The following LRP1B variants were observed in gnomAD, a reference collection of about 807,000 sequenced individuals.
The protein encoded by LRP1B is LDL receptor related protein 1B.
In LRP1B, 217 loss-of-function variants were observed where a neutral mutation model predicts 556.6. That is an observed-to-expected ratio of 0.39 (90% CI 0.35 to 0.44). The LOEUF (loss-of-function observed/expected upper bound fraction) is 0.44. Ranked by LOEUF, LRP1B falls within the 20% of genes least tolerant of loss-of-function variation. The pLI, the probability that LRP1B is intolerant of heterozygous loss-of-function variation, is 1.00. For synonymous variants in LRP1B, 2,047 were observed against 1,865.8 expected, an observed-to-expected ratio of 1.10 and a Z score of -2.50; for missense variants, 5,053 against 5,620.8, an observed-to-expected ratio of 0.90 and a Z score of 3.23.
intron 80 of LRP1B, among the ~76,000 whole-genome samples, chr2:140,325,043 T>G (rs1463844638): frequency 6.6e-6 from 1 of 151,894 alleles, no homozygotes. Context: ...ATATAAAAAT[T>G]TAAAGTGGAT....
intron 6 of LRP1B, among the ~76,000 whole-genome samples, chr2:141,189,551 C>T (rs1033286): frequency 1 from 151,581 of 152,108 alleles, 75,530 homozygotes; most frequent in Middle Eastern, 1. Flanking sequence ...TCAGAGCAAA[C>T]TGAATCTGTA....
rs115907810 is a variant in LRP1B at position 140,539,676 on chromosome 2, G to A, written c.7513+1297C>T. Among the ~76,000 whole-genome samples the A allele has an allele frequency of 1.1e-3, 160 of 152,166 alleles. 1 individual carries two copies. The highest frequency in any genetic ancestry group is 1.6e-3 in the Non-Finnish European group (110 of 67,998). ...TGAAAGAAACATGAGTGATTCTAAC[G>A]CATGGCTAACACTCCGGGCTTACAG... On this transcript the variant is annotated intron_variant, in intron 45 of 90. Coordinates refer to ENST00000389484, the MANE Select transcript of LRP1B (RefSeq NM_018557.3).
chr2:140,819,713 A>G (rs547261698), intron 31 of LRP1B, among the ~76,000 whole-genome samples: 1 of 152,360 alleles, frequency 6.6e-6, no homozygotes, highest in East Asian at 1.9e-4. Context: ...TCTAGAAGAA[A>G]TAAAAGTGTT....
At chr2:140,502,150 T>A (rs1689227980) in intron 54 of LRP1B, among the ~76,000 whole-genome samples, 1 of 152,030 alleles carries the variant, frequency 6.6e-6, no homozygotes, top group South Asian at 2.1e-4. Context: ...AATGAACTAT[T>A]TCTGCCTCCT....
chr2:141,363,500 A>G (rs1688911858), intron 3 of LRP1B, among the ~76,000 whole-genome samples: 1 of 152,166 alleles, frequency 6.6e-6, no homozygotes, highest in African/African-American at 2.4e-5. Flanking sequence ...TTCAGGAATT[A>G]CTAACCTAGA....
At chr2:140,661,833 A>T (rs1434311000) in intron 41 of LRP1B, among the ~76,000 whole-genome samples, 1 of 152,180 alleles carries the variant, frequency 6.6e-6, no homozygotes, top group African/African-American at 2.4e-5. Flanking sequence ...TATGATACAC[A>T]CTAAGTATAT....
intron 18 of LRP1B, among the ~76,000 whole-genome samples, chr2:140,965,990 A>G (rs367549325): frequency 6.6e-6 from 1 of 152,064 alleles, no homozygotes; most frequent in East Asian, 1.9e-4. Context: ...AGTCTTTGCT[A>G]TTGTGAATAG....
chr2:142,099,220 T>C (rs954501559), intron 1 of LRP1B, among the ~76,000 whole-genome samples: 7 of 151,984 alleles, frequency 4.6e-5, no homozygotes, highest in Non-Finnish European at 1.0e-4. Context: ...TTAAACGTGA[T>C]TCCTTGATCT....
At chr2:141,904,069 A>G (rs1055265527) in intron 1 of LRP1B, among the ~76,000 whole-genome samples, 1 of 151,992 alleles carries the variant, frequency 6.6e-6, no homozygotes, top group Non-Finnish European at 1.5e-5. Context: ...ATAGAATCAT[A>G]TGTCAAGTTT....
intron 67 of LRP1B, among the ~76,000 whole-genome samples, chr2:140,378,542 C>T (rs1683336576): frequency 6.6e-6 from 1 of 152,060 alleles, no homozygotes; most frequent in African/African-American, 2.4e-5. Flanking sequence ...GATAAATGGT[C>T]TACTGTTTAA....
intron 66 of LRP1B, among the ~76,000 whole-genome samples, chr2:140,419,999 C>A: frequency 7.3e-6 from 1 of 137,418 alleles, no homozygotes. Context: ...CAGAGTGAGA[C>A]TCTGTCATAA....
At chr2:141,626,557 T>C (rs548305892) in intron 2 of LRP1B, among the ~76,000 whole-genome samples, 1 of 152,106 alleles carries the variant, frequency 6.6e-6, no homozygotes, top group African/African-American at 2.4e-5. Flanking sequence ...GAAAGACATA[T>C]CTGCTAAAGG....
intron 2 of LRP1B, among the ~76,000 whole-genome samples, chr2:141,714,613 T>C (rs1209877570): frequency 1.3e-5 from 2 of 152,138 alleles, no homozygotes; most frequent in East Asian, 3.9e-4. Flanking sequence ...AATTTCCAAG[T>C]TGTTGCTTCA....
intron 11 of LRP1B, among the ~76,000 whole-genome samples, chr2:141,047,709 A>G (rs76546175): frequency 0.042 from 6,305 of 151,352 alleles, 212 homozygotes; most frequent in Admixed American, 0.07. Flanking sequence ...TTCACTTTCG[A>G]CTCTCTTGTG....
rs143265158 is a variant in LRP1B, at chr2:140,438,752, C to A, written c.10414+3752G>T. Among the ~76,000 whole-genome samples the A allele has an allele frequency of 1.4e-4, 21 of 152,210 alleles. No homozygotes were observed. The East Asian group carries it at 3.1e-3, about 22-fold the overall frequency. Reference sequence around the variant, plus strand: ...ATAAACTGAGATTGTACAAAAGCAGCAAATGAGGCTGAGTCAACTTAGAGG... The same window carrying A: ...ATAAACTGAGATTGTACAAAAGCAGAAAATGAGGCTGAGTCAACTTAGAGG... On this transcript the variant is annotated intron_variant, in intron 66 of 90. Transcript: ENST00000389484.
At chr2:141,935,691 T>C (rs1338801335) in intron 1 of LRP1B, among the ~76,000 whole-genome samples, 1 of 152,172 alleles carries the variant, frequency 6.6e-6, no homozygotes, top group Non-Finnish European at 1.5e-5. Flanking sequence ...TCGCTATCAA[T>C]AGGAGACATT....
intron 84 of LRP1B, among the ~76,000 whole-genome samples, chr2:140,291,320 T>TATATAA (rs745524571): frequency 1.9e-5 from 1 of 51,856 alleles, no homozygotes; most frequent in African/African-American, 6.2e-5. Flanking sequence ...ATATATATAT[T>TATATAA]TTTATTATAC....
intron 32 of LRP1B, among the ~76,000 whole-genome samples, chr2:140,795,380 C>T (rs1690267645): frequency 6.6e-6 from 1 of 152,062 alleles, no homozygotes; most frequent in Non-Finnish European, 1.5e-5. Context: ...AATTAAAAAC[C>T]TTAAAGCATA....
At chr2:140,879,717 A>G (rs1052432261) in intron 25 of LRP1B, among the ~76,000 whole-genome samples, 1 of 152,112 alleles carries the variant, frequency 6.6e-6, no homozygotes, top group Non-Finnish European at 1.5e-5. Flanking sequence ...ATCCTCAAGT[A>G]TACAAAGACT....
Sources: gnomAD v4.1 joint callset for allele counts (sites outside exome capture counted in the v4.1 genomes callset) on GRCh38, gnomAD v4.1.1 for gene constraint, MANE v1.5 for transcripts, NCBI Gene and HGNC (gene_info 2026-07-23, HGNC 2026-07-21) for gene names.